Variants in DLG2 observed in about 807,000 individuals in gnomAD.
The protein encoded by DLG2 is discs large MAGUK scaffold protein 2, also known as disks large homolog 2.
In DLG2, 45 loss-of-function variants were observed where a neutral mutation model predicts 132.5. The observed-to-expected ratio is 0.34, with a 90% confidence interval of 0.27 to 0.44. DLG2 has a LOEUF of 0.44. DLG2 is among the 20% of genes least tolerant of loss of function. The pLI is 1.00. For missense variants in DLG2, 1,045 were observed against 1,196.9 expected, an observed-to-expected ratio of 0.87 and a Z score of 1.87; for synonymous variants, 424 against 419.6, an observed-to-expected ratio of 1.01 and a Z score of -0.13.
intron 6 of DLG2, among the ~76,000 whole-genome samples, chr11:84,643,372 C>A (rs1220984439): frequency 6.6e-6 from 1 of 152,150 alleles, no homozygotes; most frequent in Non-Finnish European, 1.5e-5. Flanking sequence ...CAGTTATAAC[C>A]ATTACATAAG....
chr11:85,556,136 T>G (rs2076931229), intron 3 of DLG2, among the ~76,000 whole-genome samples: 1 of 151,856 alleles, frequency 6.6e-6, no homozygotes, highest in South Asian at 2.1e-4. Flanking sequence ...TTGTTGAAAT[T>G]GGCATTATAT....
intron 22 of DLG2, among the ~76,000 whole-genome samples, chr11:83,473,984 T>A (rs2092367768): frequency 6.6e-6 from 1 of 152,082 alleles, no homozygotes. Flanking sequence ...AGGAGTGTCT[T>A]ACTTTTTCAA....
At chr11:85,602,057 C>T (rs1000633145) in intron 2 of DLG2, among the ~76,000 whole-genome samples, 3 of 152,198 alleles carry the variant, frequency 2.0e-5, no homozygotes, top group Non-Finnish European at 4.4e-5. Context: ...GTCTAATAAG[C>T]ATCTCAAACT....
intron 25 of DLG2, among the ~76,000 whole-genome samples, chr11:83,467,652 A>T (rs1280596581): frequency 2.0e-5 from 3 of 151,566 alleles, no homozygotes; most frequent in African/African-American, 7.3e-5. Context: ...TGAGAGGCTG[A>T]GGCAGGAGAA....
intron 3 of DLG2, among the ~76,000 whole-genome samples, chr11:85,425,200 A>G (rs1457395017): frequency 1.3e-5 from 2 of 152,226 alleles, no homozygotes; most frequent in African/African-American, 4.8e-5. Flanking sequence ...ATCTCAAAGA[A>G]AATGTTGTTA....
At chr11:84,935,013 C>T (rs774608950) in intron 6 of DLG2, among the ~76,000 whole-genome samples, 2 of 152,164 alleles carry the variant, frequency 1.3e-5, no homozygotes, top group Non-Finnish European at 2.9e-5. Flanking sequence ...ACTTCCTCTT[C>T]CTCCTCTCTT....
At position 84,555,590 on chromosome 11, in the gene DLG2, T is replaced by G. The variant is rs12279273; in HGVS notation, c.358-20859A>C. On this transcript the variant is annotated intron_variant, in intron 6 of 27. Transcript: ENST00000376104. ...AAAGACAAATGGTGTATGATTCCAT[T>G]TATATGAAGTGCCTACAGTGGTGAT... 1.6e-3 allele frequency among the ~76,000 whole-genome samples: 242 copies of G among 152,284 alleles called. 2 individuals are homozygous for G. Among genetic ancestry groups the G allele is most frequent in the African/African-American group, 5.5e-3 (230 of 41,556 alleles).
At chr11:84,567,456 C>A (rs1236061305) in intron 6 of DLG2, among the ~76,000 whole-genome samples, 2 of 152,038 alleles carry the variant, frequency 1.3e-5, no homozygotes, top group East Asian at 3.9e-4. Flanking sequence ...TTTGATGATC[C>A]CTTGATGGAT....
At chr11:83,535,085 G>C (rs926465794) in intron 20 of DLG2, among the ~76,000 whole-genome samples, 5 of 152,198 alleles carry the variant, frequency 3.3e-5, no homozygotes, top group African/African-American at 1.2e-4. Flanking sequence ...AGTGGAAAAT[G>C]CTCACTGATA....
chr11:84,436,092 A>G (rs1471885843), intron 7 of DLG2, among the ~76,000 whole-genome samples: 1 of 152,200 alleles, frequency 6.6e-6, no homozygotes, highest in African/African-American at 2.4e-5. Flanking sequence ...AATATATATG[A>G]TACTAGTTGA....
rs1041087812 is a variant in DLG2, at chr11:83,795,443, ATATC to A, written c.1723-8655_1723-8652del. On this transcript the variant is annotated intron_variant, in intron 17 of 27. Coordinates refer to ENST00000376104, the MANE Select transcript of DLG2 (RefSeq NM_001142699.3). ...TATCTATATCTATATCTATATCTAT[ATATC>A]TATATCTATATCTATCTATTTGGGT... 3.4e-4 allele frequency among the ~76,000 whole-genome samples: 51 copies of A among 151,500 alleles called. 1 individual carries two copies. The highest frequency in any genetic ancestry group is 1.2e-3 in the African/African-American group (51 of 41,214).
chr11:84,569,255 C>T (rs564002787), intron 6 of DLG2, among the ~76,000 whole-genome samples: 14 of 152,202 alleles, frequency 9.2e-5, no homozygotes, highest in African/African-American at 3.4e-4. Flanking sequence ...TCTAGCCCTG[C>T]CAAAGAACCC....
At chr11:84,616,353 T>C (rs2099604455) in intron 6 of DLG2, among the ~76,000 whole-genome samples, 1 of 152,142 alleles carries the variant, frequency 6.6e-6, no homozygotes, top group South Asian at 2.1e-4. Context: ...TGAAATATTA[T>C]TTCAGTAAAC....
chr11:83,544,558 G>A (rs1417406066), intron 19 of DLG2, among the ~76,000 whole-genome samples: 1 of 152,118 alleles, frequency 6.6e-6, no homozygotes, highest in Non-Finnish European at 1.5e-5. Flanking sequence ...CCAGATCCAA[G>A]TCTAGTTCAG....
At chr11:83,527,547 C>A (rs1238790053) in intron 21 of DLG2, among the ~76,000 whole-genome samples, 2 of 144,494 alleles carry the variant, frequency 1.4e-5, no homozygotes, top group Non-Finnish European at 3.1e-5. Context: ...CTTGTCTCTA[C>A]AATTTTTTTT....
chr11:84,724,677 C>A (rs2062203513), intron 6 of DLG2, among the ~76,000 whole-genome samples: 1 of 152,106 alleles, frequency 6.6e-6, no homozygotes, highest in Non-Finnish European at 1.5e-5. Context: ...AAGCAAATGA[C>A]AGGGCGAGAT....
chr11:84,351,154 C>G (rs183483803), intron 7 of DLG2, among the ~76,000 whole-genome samples: 156 of 152,112 alleles, frequency 1.0e-3, no homozygotes, highest in African/African-American at 3.7e-3. Context: ...TCAAATCTTA[C>G]AGGAATTGTA....
intron 7 of DLG2, among the ~76,000 whole-genome samples, chr11:84,253,245 G>A (rs769636637): frequency 6.6e-5 from 10 of 152,136 alleles, no homozygotes; most frequent in South Asian, 2.1e-4. Flanking sequence ...ATGGGCTCAA[G>A]GTTGGTTTAG....
At chr11:84,502,490 G>C (rs558138672) in intron 7 of DLG2, among the ~76,000 whole-genome samples, 2 of 149,512 alleles carry the variant, frequency 1.3e-5, no homozygotes, top group Admixed American at 6.8e-5. Flanking sequence ...CCATCTCCCA[G>C]GTACAAGCGA....
Sources: allele counts gnomAD v4.1 joint callset (sites outside exome capture counted in the v4.1 genomes callset), GRCh38; gene constraint gnomAD v4.1.1; transcripts MANE v1.5; gene names NCBI Gene and HGNC (gene_info 2026-07-23, HGNC 2026-07-21).